The following CLDN14 variants were observed in gnomAD, a reference collection of about 807,000 sequenced individuals.
CLDN14 encodes claudin-14.
In CLDN14, 2 loss-of-function variants were observed where a neutral mutation model predicts 2.1. The ratio of observed to expected loss-of-function variants is 0.96; its 90% CI spans 0.39 to 3.01. The LOEUF (loss-of-function observed/expected upper bound fraction) is 3.01, where lower values mean the gene tolerates loss of function less well. CLDN14 is among the 30% of genes most tolerant of loss of function. The probability of loss-of-function intolerance (pLI) is 0.09; values close to 1 mark genes in which losing one functional copy is unlikely to be tolerated. For synonymous variants in CLDN14, 136 were observed against 154.4 expected, an observed-to-expected ratio of 0.88 and a Z score of 0.88; for missense variants, 298 against 328.0, an observed-to-expected ratio of 0.91 and a Z score of 0.71.
intron 1 of CLDN14, among the ~76,000 whole-genome samples, chr21:36,554,604 AG>A (rs1449836004): frequency 6.6e-6 from 1 of 152,118 alleles, no homozygotes; most frequent in East Asian, 1.9e-4. Flanking sequence ...AGGCACAGAG[AG>A]GTTAAGAAGC....
intron 1 of CLDN14, among the ~76,000 whole-genome samples, chr21:36,540,851 T>G (rs2087483400): frequency 6.6e-6 from 1 of 152,148 alleles, no homozygotes; most frequent in African/African-American, 2.4e-5. Flanking sequence ...ATGAGGTGAC[T>G]TGGGTTTTAA....
At chr21:36,543,409 G>A (rs1568876228) in intron 1 of CLDN14, among the ~76,000 whole-genome samples, 1 of 152,162 alleles carries the variant, frequency 6.6e-6, no homozygotes, top group Non-Finnish European at 1.5e-5. Flanking sequence ...GAAGATAAGA[G>A]CAACGACCAG....
At chr21:36,509,788 G>GT (rs1297312303) in intron 2 of CLDN14, among the ~76,000 whole-genome samples, 2 of 152,094 alleles carry the variant, frequency 1.3e-5, no homozygotes, top group Non-Finnish European at 2.9e-5. Context: ...TAGAGATGGG[G>GT]TTTCACTGTG....
chr21:36,481,715 A>C (rs542433746), upstream of CLDN14, among the ~76,000 whole-genome samples: 295 of 152,344 alleles, frequency 1.9e-3, 1 homozygote, highest in Non-Finnish European at 2.6e-3. Context: ...TGAAGCCTGA[A>C]AATTCCCTGA....
At chr21:36,520,871 A>G (rs2087264258) in intron 1 of CLDN14, among the ~76,000 whole-genome samples, 1 of 152,076 alleles carries the variant, frequency 6.6e-6, no homozygotes, top group African/African-American at 2.4e-5. Flanking sequence ...TGGGCAGATA[A>G]TGAAAACACT....
intron 2 of CLDN14, among the ~76,000 whole-genome samples, chr21:36,493,223 C>T (rs1477039742): frequency 2.6e-5 from 4 of 152,164 alleles, no homozygotes; most frequent in Admixed American, 6.5e-5. Flanking sequence ...GAGGGGCCTT[C>T]GTCCTGTCCT....
intron 1 of CLDN14, among the ~76,000 whole-genome samples, chr21:36,465,407 C>G (rs2086632872): frequency 6.6e-6 from 1 of 152,160 alleles, no homozygotes; most frequent in South Asian, 2.1e-4. Context: ...TAAACGTGTG[C>G]TATAAGGATT....
chr21:36,491,567 C>T (rs938529938), intron 2 of CLDN14, among the ~76,000 whole-genome samples: 28 of 152,126 alleles, frequency 1.8e-4, no homozygotes, highest in Admixed American at 8.5e-4. Flanking sequence ...TACAGGATCT[C>T]GCTGTGTTCA....
chr21:36,478,645 T>A (rs1012176513), intron 1 of CLDN14, among the ~76,000 whole-genome samples: 3 of 152,206 alleles, frequency 2.0e-5, no homozygotes, highest in Admixed American at 2.0e-4. Context: ...AAGCACACGA[T>A]GATGAACTGT....
At chr21:36,496,373 G>T (rs1213672932) in intron 2 of CLDN14, among the ~76,000 whole-genome samples, 1 of 150,268 alleles carries the variant, frequency 6.7e-6, no homozygotes, top group Non-Finnish European at 1.5e-5. Flanking sequence ...GGAGGCTGAG[G>T]CCGCAGTGAG....
At chr21:36,570,948 T>C (rs2087705594) in intron 1 of CLDN14, among the ~76,000 whole-genome samples, 1 of 152,174 alleles carries the variant, frequency 6.6e-6, no homozygotes, top group Non-Finnish European at 1.5e-5. Context: ...TTCCAGCAAT[T>C]CTCCTGCCTC....
intron 1 of CLDN14, chr21:36,477,371 T>C (rs2086791917): frequency 1.3e-5 from 2 of 152,238 alleles, no homozygotes; most frequent in Admixed American, 1.3e-4. Flanking sequence ...ATGTTTACTT[T>C]ACCTTCATTT....
chr21:36,548,166 T>C (rs1464202750), intron 1 of CLDN14, among the ~76,000 whole-genome samples: 1 of 151,922 alleles, frequency 6.6e-6, no homozygotes, highest in Non-Finnish European at 1.5e-5. Flanking sequence ...TGTTACCTCC[T>C]CCAGGAAGCC....
chr21:36,477,467 G>A (rs1045563060), intron 1 of CLDN14: 1 of 152,228 alleles, frequency 6.6e-6, no homozygotes, highest in Non-Finnish European at 1.5e-5. Context: ...GTGCCCAAGA[G>A]TGGCCGCCAG....
At chr21:36,519,597 C>G (rs2087254061) in intron 1 of CLDN14, among the ~76,000 whole-genome samples, 1 of 151,994 alleles carries the variant, frequency 6.6e-6, no homozygotes, top group Admixed American at 6.6e-5. Context: ...GTAGTCCCAG[C>G]TACTTGGGAG....
At chr21:36,464,293 G>T (rs2086618077) in intron 1 of CLDN14, among the ~76,000 whole-genome samples, 1 of 152,156 alleles carries the variant, frequency 6.6e-6, no homozygotes, top group South Asian at 2.1e-4. Context: ...GAGAGCCAAT[G>T]AAACCTCTTT....
chr21:36,544,793 C>T lies in CLDN14; in HGVS notation c.-220+31618G>A, dbSNP rs536593528. Among the ~76,000 whole-genome samples the T allele has an allele frequency of 7.9e-5, 12 of 152,250 alleles. No homozygotes were observed. Among genetic ancestry groups the T allele is most frequent in the African/African-American group, 2.4e-4 (10 of 41,550 alleles). On this transcript the variant is annotated intron_variant, in intron 1 of 2. Transcript: ENST00000342108. The surrounding 1 kb of genome is among the most constrained non-coding windows in gnomAD (Gnocchi z 4.1). Reference sequence around the variant, plus strand: ...AGGGGCAAGACTGCAAGGACATCCGCGAAGTAAGACATGTGCACAGAGCAA... The same window carrying T: ...AGGGGCAAGACTGCAAGGACATCCGTGAAGTAAGACATGTGCACAGAGCAA...
chr21:36,507,747 G>C (rs192292099), intron 2 of CLDN14, among the ~76,000 whole-genome samples: 89 of 152,288 alleles, frequency 5.8e-4, no homozygotes, highest in African/African-American at 1.9e-3. Flanking sequence ...TTGGGTGACA[G>C]AGTGAGACTC....
intron 2 of CLDN14, among the ~76,000 whole-genome samples, chr21:36,506,650 T>C (rs920364254): frequency 2.0e-5 from 3 of 151,356 alleles, no homozygotes; most frequent in African/African-American, 7.3e-5. Flanking sequence ...AGAGAGACCT[T>C]CTGAGGGCTG....
Sources: gnomAD v4.1 joint callset for allele counts (sites outside exome capture counted in the v4.1 genomes callset) on GRCh38, gnomAD v4.1.1 for gene constraint, Gnocchi (gnomAD v3.1) non-coding constraint, MANE v1.5 for transcripts, NCBI Gene and HGNC (gene_info 2026-07-23, HGNC 2026-07-21) for gene names.